STAT5A: variants seen among roughly 807,000 people sequenced by gnomAD.
The protein encoded by STAT5A is signal transducer and activator of transcription 5A, also known as epididymis secretory sperm binding protein.
In STAT5A, 26 loss-of-function variants were observed where a neutral mutation model predicts 100.2. The observed-to-expected ratio is 0.26, with a 90% CI of 0.19 to 0.36. The LOEUF is 0.36. STAT5A is among the 10% of genes least tolerant of loss of function. The pLI is 1.00. For missense variants in STAT5A, 634 were observed against 1,027.5 expected (o/e 0.62, Z 5.24); for synonymous variants, 330 against 424.3 (o/e 0.78, Z 2.73).
At chr17:42,292,644 C>CG in intron 4 of STAT5A, among the ~76,000 whole-genome samples, 1 of 141,440 alleles carries the variant, frequency 7.1e-6, no homozygotes, top group Non-Finnish European at 1.5e-5. Flanking sequence ...TTTTCCCCCC[C>CG]GAGATGCAGT....
In STAT5A at chr17:42,310,761, T is replaced by TGCAG; in HGVS notation, c.*96_*99dup. 2 of 1,563,316 alleles carry TGCAG rather than the reference T, an allele frequency of 1.3e-6. No individual in the cohort carries two copies. Among genetic ancestry groups the TGCAG allele is most frequent in the Non-Finnish European group, 1.7e-6 (2 of 1,154,182 alleles). On this transcript the variant is annotated 3_prime_UTR_variant, in exon 19 of 19. Coordinates refer to ENST00000590949, the MANE Select transcript of STAT5A (RefSeq NM_001288718.2). ...GTAAGGCTGTGTACACTGACACCTT[T>TGCAG]GCAGGCATGCATGTGCTTGTGTGTG...
At chr17:42,305,165 C>G (rs1235006878) in intron 11 of STAT5A, among the ~76,000 whole-genome samples, 2 of 151,894 alleles carry the variant, frequency 1.3e-5, no homozygotes, top group Non-Finnish European at 2.9e-5. Context: ...GCACCACTGC[C>G]CTCCAGTCTG....
At chr17:42,295,513 A>G in intron 4 of STAT5A, 106 bp from the exon 5 acceptor site, 1 of 1,205,584 alleles carries the variant, frequency 8.3e-7, no homozygotes, top group Admixed American at 2.3e-5. Context: ...TTCTTACCCT[A>G]GTTTGGGGTT....
intron 1 of STAT5A, 175 bp from the exon 2 acceptor site, chr17:42,289,227 A>T (rs1051282336): frequency 8.3e-6 from 5 of 602,882 alleles, no homozygotes; most frequent in African/African-American, 1.9e-5. Flanking sequence ...GTTGGAGGGG[A>T]TGGGCGGCCC....
chr17:42,299,452 G>T (rs910314181), intron 5 of STAT5A, among the ~76,000 whole-genome samples: 1 of 152,214 alleles, frequency 6.6e-6, no homozygotes, highest in Non-Finnish European at 1.5e-5. Context: ...CGAGAAGAGG[G>T]CTGGCAGCCC....
At chr17:42,291,883 G>T in intron 3 of STAT5A, 89 bp from the exon 4 acceptor site, 1 of 1,412,218 alleles carries the variant, frequency 7.1e-7, no homozygotes, top group Non-Finnish European at 9.8e-7. Context: ...TGAGGCAGAG[G>T]CTGAAGGAGA....
Position 42,307,722 on chromosome 17 carries a change from C to T in STAT5A, c.1905C>T (p.Ser635=). 1.2e-6 allele frequency: 2 copies of T among 1,613,562 alleles called. No homozygotes were observed. The highest frequency in any genetic ancestry group is 1.1e-5 in the South Asian group (1 of 91,020). ...GGITIAWKFD[S]PERNLWNLKP... Reference sequence around the variant, plus strand: ...TCACCATCGCCTGGAAGTTTGACTCCCGTGAGTGCCCGTTTTGCCCACACT... The same window carrying T: ...TCACCATCGCCTGGAAGTTTGACTCTCGTGAGTGCCCGTTTTGCCCACACT... The change falls in exon 15 of 19, where the codon TCC becomes TCT. Residue 635 remains serine (S), a splice_region_variant and synonymous_variant. Coordinates refer to ENST00000590949, the MANE Select transcript of STAT5A (RefSeq NM_001288718.2).
chr17:42,290,959 A>G (rs1567686537), intron 3 of STAT5A, among the ~76,000 whole-genome samples: 1 of 152,180 alleles, frequency 6.6e-6, no homozygotes, highest in Non-Finnish European at 1.5e-5. Context: ...ATGATTCAAG[A>G]GCATCACGTT....
Position 42,310,965 on chromosome 17 carries a change from T to C in STAT5A, c.*296T>C. The C allele has an allele frequency of 2.3e-6, 1 of 433,534 alleles. No homozygotes were observed. Among genetic ancestry groups the C allele is most frequent in the East Asian group, 4.1e-5 (1 of 24,580 alleles). 26.9% of individuals were successfully genotyped at this position (433,534 alleles called of 1,614,324 possible). A position where few individuals can be genotyped will look rare whatever the true frequency, so the allele number is the denominator to read the frequency against. On this transcript the variant is annotated 3_prime_UTR_variant, in exon 19 of 19. Transcript: ENST00000590949. ...TGCAGGCACTCAATGCAGCCAGACC[T>C]ATTCCTCCTGGGCCCCTCATCTGCT...
Position 42,311,064 on chromosome 17 carries a change from C to A in STAT5A, c.*395C>A. ...ACGTCTGTAAGCTGAAGTTTCACTC[C>A]GGAGTGAGAAGCTTTGCCCTCCTAA... is the stretch of plus-strand genomic sequence containing the variant. On this transcript the variant is annotated 3_prime_UTR_variant, in exon 19 of 19. Coordinates refer to ENST00000590949, the MANE Select transcript of STAT5A (RefSeq NM_001288718.2). The A allele has an allele frequency of 4.3e-6, 1 of 231,322 alleles. No homozygotes were observed. Among genetic ancestry groups the A allele is most frequent in the Non-Finnish European group, 8.9e-6 (1 of 112,808 alleles). The allele number at this position is 231,322 out of a possible 1,614,324, so 14.3% of individuals were successfully genotyped here. A position where few individuals can be genotyped will look rare whatever the true frequency, so the allele number is the denominator to read the frequency against.
intron 8 of STAT5A, 26 bp from the exon 9 acceptor site, chr17:42,301,249 T>C (rs368937578): frequency 1.6e-4 from 262 of 1,607,572 alleles, no homozygotes; most frequent in Non-Finnish European, 2.1e-4. Flanking sequence ...CCCCTCATCG[T>C]GTGTCTGTCC....
chr17:42,301,603 A>C (rs1598361715), intron 9 of STAT5A, 149 bp downstream of exon 9: 2 of 1,256,954 alleles, frequency 1.6e-6, no homozygotes, highest in Admixed American at 2.2e-5. Flanking sequence ...CAGTCTTCCC[A>C]CCTCAGCCTC....
At chr17:42,303,421 C>A (rs1214713656) in intron 9 of STAT5A, among the ~76,000 whole-genome samples, 1 of 148,446 alleles carries the variant, frequency 6.7e-6, no homozygotes, top group African/African-American at 2.5e-5. Flanking sequence ...TAAGACAGAG[C>A]AATCTAGGCT....
intron 18 of STAT5A, 119 bp downstream of exon 18, chr17:42,309,603 G>A: frequency 9.9e-7 from 1 of 1,011,388 alleles, no homozygotes; most frequent in Non-Finnish European, 1.5e-6. Context: ...AGTCCAGGAG[G>A]AGTGAGATCA....
chr17:42,303,985 C>T (rs1432229730), intron 9 of STAT5A, among the ~76,000 whole-genome samples: 3 of 152,040 alleles, frequency 2.0e-5, no homozygotes, highest in African/African-American at 7.2e-5. Context: ...TTCAGTGAGG[C>T]CAGGGGGGTG....
rs1275052416 is a variant in STAT5A at position 42,304,170 on chromosome 17, G to A, written c.1170-172G>A. On this transcript the variant is annotated intron_variant, in intron 9 of 18. Coordinates refer to ENST00000590949, the MANE Select transcript of STAT5A (RefSeq NM_001288718.2). This position sits in a 1 kb window ranked among gnomAD's most constrained non-coding sequence, Gnocchi z 4.8. ...CCTTGCCTTGGGTGCTGGGCACCAGGTTGATGGAGAAGTCAGTAACCCAGA... is the reference window on the plus strand; with the variant it reads ...CCTTGCCTTGGGTGCTGGGCACCAGATTGATGGAGAAGTCAGTAACCCAGA... 1.3e-5 allele frequency: 8 copies of A among 627,204 alleles called. No homozygotes were observed. Among genetic ancestry groups the A allele is most frequent in the Non-Finnish European group, 1.4e-5 (5 of 359,450 alleles). 38.9% of individuals were successfully genotyped at this position (627,204 alleles called of 1,614,324 possible). A position where few individuals can be genotyped will look rare whatever the true frequency, so the allele number is the denominator to read the frequency against.
intron 1 of STAT5A, 187 bp from the exon 2 acceptor site, chr17:42,289,215 T>G: frequency 1.8e-6 from 1 of 546,406 alleles, no homozygotes; most frequent in Non-Finnish European, 3.0e-6. Flanking sequence ...AGCGGGTTCC[T>G]TGTTGGAGGG....
At position 42,310,778 on chromosome 17, in the gene STAT5A, TTGTGTG is replaced by T. The variant is rs3833144; in HGVS notation, c.*127_*132del. 2,417 of 1,412,114 alleles carry T rather than the reference TTGTGTG, an allele frequency of 1.7e-3. No individual in the cohort carries two copies. Among genetic ancestry groups the T allele is most frequent in the East Asian group, 6.0e-3 (231 of 38,186 alleles). 87.5% of individuals were successfully genotyped at this position (1,412,114 alleles called of 1,614,324 possible). ...GACACCTTTGCAGGCATGCATGTGC[TTGTGTG>T]TGTGTGTGTGTGTGTGTCCTTGTGC... On this transcript the variant is annotated 3_prime_UTR_variant, in exon 19 of 19. Transcript: ENST00000590949.
intron 16 of STAT5A, 27 bp from the exon 17 acceptor site, chr17:42,309,020 T>G (rs199744572): frequency 6.8e-6 from 11 of 1,614,168 alleles, no homozygotes; most frequent in Non-Finnish European, 9.3e-6. Context: ...GAGACTTTGG[T>G]TCTCACCACT....
Sources: gnomAD v4.1 joint callset for allele counts (sites outside exome capture counted in the v4.1 genomes callset) on GRCh38, gnomAD v4.1.1 for gene constraint, Gnocchi (gnomAD v3.1) non-coding constraint, MANE v1.5 for transcripts, NCBI Gene and HGNC (gene_info 2026-07-23, HGNC 2026-07-21) for gene names.